SETD2: variants seen among roughly 807,000 people sequenced by gnomAD.
SETD2 encodes histone-lysine N-methyltransferase SETD2.
A neutral mutation model predicts 242.1 loss-of-function variants in SETD2; 31 were observed. The observed-to-expected ratio is 0.13, with a 90% CI of 0.10 to 0.17. The LOEUF is 0.17. Among genes scored for constraint, SETD2 ranks in the 10% least tolerant of loss-of-function variants. The probability of loss-of-function intolerance (pLI) is 1.00; values close to 1 mark genes in which losing one functional copy is unlikely to be tolerated. For synonymous variants in SETD2, 1,006 were observed against 1,066.5 expected (o/e 0.94, Z 1.11); for missense variants, 2,481 against 3,046.3 (o/e 0.81, Z 4.37).
chr3:47,098,041 G>A lies in SETD2; in HGVS notation c.5056C>T (p.Arg1686Trp), dbSNP rs2107674626. 1 of 1,613,902 alleles carries A rather than the reference G, an allele frequency of 6.2e-7. No individual in the cohort carries two copies. The highest frequency in any genetic ancestry group is 8.5e-7 in the Non-Finnish European group (1 of 1,179,936). ...CTGTTTTCTCCTCCCAGGTAACCCC[G>A]GCAATTGGCTGATCCGCAGAAACAT... Reference protein sequence around the residue: ...QKCFCGSANCRGYLGGENRVS... With the variant: ...QKCFCGSANCWGYLGGENRVS... Residue 1686 changes from arginine (R) to tryptophan (W), a missense_variant, in exon 9 of 21, where the codon CGG (arginine) becomes TGG (tryptophan). Coordinates refer to ENST00000409792, the MANE Select transcript of SETD2 (RefSeq NM_014159.7).
chr3:47,082,770 T>C (rs765668354), intron 12 of SETD2, among the ~76,000 whole-genome samples: 1 of 152,188 alleles, frequency 6.6e-6, no homozygotes, highest in African/African-American at 2.4e-5. Context: ...CACCAACTAC[T>C]CATTTTGCTC....
chr3:47,035,807 C>T (rs1428842105), intron 18 of SETD2, among the ~76,000 whole-genome samples: 1 of 152,166 alleles, frequency 6.6e-6, no homozygotes, highest in Non-Finnish European at 1.5e-5. Flanking sequence ...ATAACTAACA[C>T]AGTACAGAAG....
At chr3:47,059,411 C>T (rs559707777) in intron 14 of SETD2, among the ~76,000 whole-genome samples, 4 of 150,458 alleles carry the variant, frequency 2.7e-5, no homozygotes, top group South Asian at 4.2e-4. Flanking sequence ...CCACTGCGCT[C>T]GGCCGCAAAT....
In SETD2 at chr3:47,128,612, T is replaced by C. The variant is rs1181785393; in HGVS notation, c.72-1949A>G. Among the ~76,000 whole-genome samples the C allele has an allele frequency of 3.9e-5, 6 of 152,302 alleles. 1 individual carries two copies. The South Asian group carries it at 6.2e-4, about 16-fold the overall frequency. On this transcript the variant is annotated intron_variant, in intron 1 of 20. Coordinates refer to ENST00000409792, the MANE Select transcript of SETD2 (RefSeq NM_014159.7). ...AGGGGGAGAGGGGGCAGTAAGCTGATAATACATGAATGAGATCTGAAGCAG... is the reference window on the plus strand; with the variant it reads ...AGGGGGAGAGGGGGCAGTAAGCTGACAATACATGAATGAGATCTGAAGCAG...
chr3:47,152,932 C>T (rs2044026909), intron 1 of SETD2, among the ~76,000 whole-genome samples: 1 of 152,164 alleles, frequency 6.6e-6, no homozygotes, highest in African/African-American at 2.4e-5. Context: ...AAATAAAAAG[C>T]AACTATGGGA....
chr3:47,155,707 G>C (rs1355462373), intron 1 of SETD2, among the ~76,000 whole-genome samples: 3 of 152,326 alleles, frequency 2.0e-5, no homozygotes, highest in African/African-American at 7.2e-5. Flanking sequence ...TCAGGACACT[G>C]AGGTGGGAGG....
rs1269210905 is a variant in SETD2 at position 47,106,105 on chromosome 3, T to C, written c.4731A>G (p.Leu1577=). The change falls in exon 6 of 21, where the codon CTA becomes CTG. Residue 1577 remains leucine, a synonymous_variant. Coordinates refer to ENST00000409792, the MANE Select transcript of SETD2 (RefSeq NM_014159.7). ...GATCGAGTACCTCTCCACAATATTC[T>C]AGGACAAAGGTGTTCCTGCAAACCA... ...AKDLPSNTFV[L]EYCGEVLDHK... is the part of the protein sequence containing the mutation. 6.2e-7 allele frequency: 1 copy of C among 1,613,128 alleles called. No homozygotes were observed. The highest frequency in any genetic ancestry group is 8.5e-7 in the Non-Finnish European group (1 of 1,179,572).
intron 13 of SETD2, among the ~76,000 whole-genome samples, chr3:47,063,186 G>GT (rs1388331382): frequency 6.6e-6 from 1 of 152,158 alleles, no homozygotes; most frequent in Admixed American, 6.5e-5. Context: ...AAAATCCACT[G>GT]TATGTGTGGA....
chr3:47,070,804 A>G (rs1237581971), intron 12 of SETD2, among the ~76,000 whole-genome samples: 1 of 152,256 alleles, frequency 6.6e-6, no homozygotes, highest in African/African-American at 2.4e-5. Flanking sequence ...GGAGAATAGA[A>G]TAAGGACATT....
In SETD2 at chr3:47,123,935, GCTACAT is replaced by G; in HGVS notation, c.695_700del (p.Asp232_Val233del). 6.4e-7 allele frequency: 1 copy of G among 1,551,796 alleles called. No individual in the cohort carries two copies. The highest frequency in any genetic ancestry group is 1.2e-5 in the South Asian group (1 of 84,054). On this transcript the variant is annotated inframe_deletion, in exon 3 of 21. Coordinates refer to ENST00000409792, the MANE Select transcript of SETD2 (RefSeq NM_014159.7). ...TGGTGGTTCTTTCAGAGATCTAACT[GCTACAT>G]CTACTGGTAAGGGTACTGGTGCTGC...
chr3:47,070,357 T>C (rs1004002886), intron 12 of SETD2, among the ~76,000 whole-genome samples: 1 of 152,190 alleles, frequency 6.6e-6, no homozygotes, highest in Non-Finnish European at 1.5e-5. Context: ...ACCTAAGCAC[T>C]TGGAGCTGCT....
chr3:47,120,174 A>T lies in SETD2; in HGVS notation c.4454+8T>A, dbSNP rs2107738724. On this transcript the variant is annotated splice_region_variant and intron_variant, in intron 3 of 20. Coordinates refer to ENST00000409792, the MANE Select transcript of SETD2 (RefSeq NM_014159.7). Reference sequence around the variant, plus strand: ...AAAATTTGTCAAACAAGTATTAATTAGACTTACCTTTCTGTTAAATAAACA... The same window carrying T: ...AAAATTTGTCAAACAAGTATTAATTTGACTTACCTTTCTGTTAAATAAACA... The T allele has an allele frequency of 6.6e-7, 1 of 1,512,586 alleles. No individual in the cohort carries two copies. The highest frequency in any genetic ancestry group is 8.9e-7 in the Non-Finnish European group (1 of 1,126,530). The allele number at this position is 1,512,586 out of a possible 1,614,324, so 93.7% of individuals were successfully genotyped here.
At chr3:47,105,806 G>C in intron 6 of SETD2, 191 bp downstream of exon 6, 1 of 535,148 alleles carries the variant, frequency 1.9e-6, no homozygotes, top group South Asian at 1.9e-5. Context: ...AGGAAGCTGA[G>C]GCAGGAGAAT....
At chr3:47,058,435 C>A in intron 14 of SETD2, among the ~76,000 whole-genome samples, 1 of 76,382 alleles carries the variant, frequency 1.3e-5, no homozygotes, top group Non-Finnish European at 2.1e-5. Flanking sequence ...GGCAAGACAC[C>A]GTCTCAAAAA....
At chr3:47,154,373 C>T (rs2044075949) in intron 1 of SETD2, among the ~76,000 whole-genome samples, 1 of 151,994 alleles carries the variant, frequency 6.6e-6, no homozygotes, top group Admixed American at 6.5e-5. Flanking sequence ...TGTGCCACTG[C>T]ACTCCAGCCT....
At chr3:47,161,754 T>C (rs1170676259) in intron 1 of SETD2, among the ~76,000 whole-genome samples, 1 of 150,526 alleles carries the variant, frequency 6.6e-6, no homozygotes, top group Admixed American at 6.6e-5. Flanking sequence ...ACGTAATTTA[T>C]TTTTTTTTAA....
chr3:47,107,865 A>C (rs1374967414), intron 5 of SETD2, among the ~76,000 whole-genome samples: 1 of 152,122 alleles, frequency 6.6e-6, no homozygotes, highest in African/African-American at 2.4e-5. Flanking sequence ...ATAGTCCACT[A>C]CACCAGTTGA....
At chr3:47,030,060 A>G (rs1002029187) in intron 18 of SETD2, among the ~76,000 whole-genome samples, 2 of 152,080 alleles carry the variant, frequency 1.3e-5, no homozygotes, top group African/African-American at 2.4e-5. Context: ...AAGGCAGGAG[A>G]ATCACTTAAA....
At chr3:47,152,558 T>C (rs2044011528) in intron 1 of SETD2, among the ~76,000 whole-genome samples, 1 of 152,264 alleles carries the variant, frequency 6.6e-6, no homozygotes, top group Non-Finnish European at 1.5e-5. Context: ...CATCTTCTGC[T>C]TCTTCAAATA....
Sources: allele counts gnomAD v4.1 joint callset (sites outside exome capture counted in the v4.1 genomes callset), GRCh38; gene constraint gnomAD v4.1.1; transcripts MANE v1.5; gene names NCBI Gene and HGNC (gene_info 2026-07-23, HGNC 2026-07-21).